UBE2E2: variants seen among roughly 807,000 people sequenced by gnomAD.
UBE2E2 encodes the protein ubiquitin conjugating enzyme E2 E2.
UBE2E2 carries 6 observed loss-of-function variants against 24.7 expected under a neutral mutation model. That is an observed-to-expected ratio of 0.24 (90% CI 0.13 to 0.48). The LOEUF (loss-of-function observed/expected upper bound fraction) is 0.48, where lower values mean the gene tolerates loss of function less well. Among genes scored for constraint, UBE2E2 ranks in the 20% least tolerant of loss-of-function variants. The pLI is 0.99. For missense variants in UBE2E2, 169 were observed against 245.0 expected (o/e 0.69, Z 2.07); for synonymous variants, 104 against 83.6 (o/e 1.24, Z -1.33).
At chr3:23,225,265 A>T (rs181752372) in intron 3 of UBE2E2, among the ~76,000 whole-genome samples, 4 of 149,100 alleles carry the variant, frequency 2.7e-5, no homozygotes, top group East Asian at 3.9e-4. Context: ...TACTTTCTTG[A>T]TAATGACCTT....
chr3:23,579,102 A>C (rs568277881), intron 5 of UBE2E2, among the ~76,000 whole-genome samples: 1 of 152,324 alleles, frequency 6.6e-6, no homozygotes, highest in East Asian at 1.9e-4. Flanking sequence ...TTATTATTTA[A>C]GAAAACTAGG....
intron 5 of UBE2E2, among the ~76,000 whole-genome samples, chr3:23,550,750 G>T (rs988874108): frequency 1.3e-5 from 2 of 152,134 alleles, no homozygotes; most frequent in African/African-American, 4.8e-5. Context: ...CAGTTTCCAG[G>T]ATACTGTACA....
At chr3:23,473,417 C>G (rs1474172002) in intron 3 of UBE2E2, among the ~76,000 whole-genome samples, 1 of 151,756 alleles carries the variant, frequency 6.6e-6, no homozygotes, top group Non-Finnish European at 1.5e-5. Flanking sequence ...AAAGCTAGAC[C>G]AAAGTGAAAA....
At chr3:23,358,386 G>A (rs113416984) in intron 3 of UBE2E2, among the ~76,000 whole-genome samples, 6,787 of 152,156 alleles carry the variant, frequency 0.045, 525 homozygotes, top group African/African-American at 0.15. Context: ...ATGCTTAAAG[G>A]TTCATCAAGC....
intron 3 of UBE2E2, among the ~76,000 whole-genome samples, chr3:23,362,872 C>A (rs891396652): frequency 1.3e-5 from 2 of 152,186 alleles, no homozygotes; most frequent in South Asian, 2.1e-4. Context: ...CCTACTGTTG[C>A]TTGTAAAGTG....
chr3:23,267,936 C>T (rs1177361604), intron 3 of UBE2E2, among the ~76,000 whole-genome samples: 2 of 151,720 alleles, frequency 1.3e-5, no homozygotes, highest in South Asian at 2.1e-4. Context: ...AGCATATAAA[C>T]AGAACCAAAG....
intron 3 of UBE2E2, among the ~76,000 whole-genome samples, chr3:23,426,993 T>A (rs1697941929): frequency 6.6e-6 from 1 of 152,124 alleles, no homozygotes; most frequent in Non-Finnish European, 1.5e-5. Flanking sequence ...GATGGAAGAA[T>A]TAGTATTATT....
chr3:23,349,803 C>T (rs554975053), intron 3 of UBE2E2, among the ~76,000 whole-genome samples: 1 of 152,356 alleles, frequency 6.6e-6, no homozygotes, highest in Admixed American at 6.5e-5. Flanking sequence ...CCCCTGGGGG[C>T]AGGGCACAGA....
intron 3 of UBE2E2, among the ~76,000 whole-genome samples, chr3:23,336,010 G>A (rs778103543): frequency 3.3e-5 from 5 of 152,160 alleles, no homozygotes; most frequent in African/African-American, 1.2e-4. Context: ...AGACATGAGT[G>A]ATTAAAGTAA....
rs577041347 is a variant in UBE2E2 at position 23,301,553 on chromosome 3, A to C, written c.227+84241A>C. On this transcript the variant is annotated intron_variant, in intron 3 of 5. Coordinates refer to ENST00000396703, the MANE Select transcript of UBE2E2 (RefSeq NM_152653.4). ...GGAGTTTGCTAGAGGTCCACTCCAG[A>C]CCCTGTTTGCCTGGGTCTCAGCAGC... 6.6e-5 allele frequency among the ~76,000 whole-genome samples: 10 copies of C among 152,236 alleles called. No homozygotes were observed. In the South Asian group the frequency reaches 2.1e-3, roughly 32 times the overall value.
intron 3 of UBE2E2, among the ~76,000 whole-genome samples, chr3:23,250,988 G>T (rs1035278945): frequency 6.6e-6 from 1 of 152,150 alleles, no homozygotes; most frequent in Non-Finnish European, 1.5e-5. Flanking sequence ...CTCCCAGGTA[G>T]CTGGGACTAC....
intron 3 of UBE2E2, among the ~76,000 whole-genome samples, chr3:23,345,212 T>C (rs1417493260): frequency 1.3e-5 from 2 of 152,196 alleles, no homozygotes; most frequent in East Asian, 1.9e-4. Context: ...ATAACTATTA[T>C]TGTAGCAAAC....
chr3:23,545,296 C>T (rs1029551504), intron 5 of UBE2E2, among the ~76,000 whole-genome samples: 2 of 152,164 alleles, frequency 1.3e-5, no homozygotes, highest in Admixed American at 6.5e-5. Flanking sequence ...AAACCTTGGA[C>T]AATACCTGGC....
At chr3:23,443,673 T>G (rs961323935) in intron 3 of UBE2E2, among the ~76,000 whole-genome samples, 1 of 152,194 alleles carries the variant, frequency 6.6e-6, no homozygotes, top group Non-Finnish European at 1.5e-5. Context: ...CTGTCAGATG[T>G]ACCTATGTGA....
intron 5 of UBE2E2, among the ~76,000 whole-genome samples, chr3:23,541,644 C>T (rs1339306850): frequency 6.6e-6 from 1 of 152,184 alleles, no homozygotes; most frequent in African/African-American, 2.4e-5. Flanking sequence ...AACCTGTTGC[C>T]ACATGAAGCT....
At chr3:23,209,415 A>G (rs750766787) in intron 2 of UBE2E2, among the ~76,000 whole-genome samples, 34 of 152,188 alleles carry the variant, frequency 2.2e-4, no homozygotes, top group Non-Finnish European at 5.0e-4. Flanking sequence ...AGGTATTTGA[A>G]TGATTTTCTG....
intron 3 of UBE2E2, among the ~76,000 whole-genome samples, chr3:23,377,622 A>G (rs61636332): frequency 0.042 from 6,338 of 152,266 alleles, 458 homozygotes; most frequent in African/African-American, 0.14. Flanking sequence ...AGGATCTGGC[A>G]TCGAAAATGT....
intron 3 of UBE2E2, among the ~76,000 whole-genome samples, chr3:23,461,851 A>G (rs1261201025): frequency 2.0e-5 from 3 of 152,182 alleles, no homozygotes; most frequent in African/African-American, 7.2e-5. Flanking sequence ...CTGAAAACTC[A>G]AACTATTCCA....
At chr3:23,231,900 C>T (rs1433523064) in intron 3 of UBE2E2, among the ~76,000 whole-genome samples, 1 of 152,192 alleles carries the variant, frequency 6.6e-6, no homozygotes, top group African/African-American at 2.4e-5. Context: ...ACAGGAGCTT[C>T]TCTACCCATG....
Sources: allele counts gnomAD v4.1 joint callset (sites outside exome capture counted in the v4.1 genomes callset), GRCh38; gene constraint gnomAD v4.1.1; transcripts MANE v1.5; gene names NCBI Gene and HGNC (gene_info 2026-07-23, HGNC 2026-07-21).